ARFIP1: variants seen among roughly 807,000 people sequenced by gnomAD.
The protein encoded by ARFIP1 is ARF interacting protein 1.
A neutral mutation model predicts 42.5 loss-of-function variants in ARFIP1; 24 were observed. That is an observed-to-expected ratio of 0.57 (90% CI 0.41 to 0.80). The LOEUF is 0.80. Among genes scored for constraint, ARFIP1 ranks in the 30% least tolerant of loss-of-function variants. The pLI is 0.00. For synonymous variants in ARFIP1, 141 were observed against 153.7 expected (o/e 0.92, Z 0.61); for missense variants, 354 against 434.0 (o/e 0.82, Z 1.64).
At chr4:152,799,645 A>T (rs564720760) in intron 1 of ARFIP1, among the ~76,000 whole-genome samples, 1 of 152,252 alleles carries the variant, frequency 6.6e-6, no homozygotes, top group Non-Finnish European at 1.5e-5. Context: ...TTGTAGTTAC[A>T]GGTAATCCTG....
At chr4:152,821,082 CAG>C (rs1423566626) in intron 1 of ARFIP1, among the ~76,000 whole-genome samples, 3 of 151,980 alleles carry the variant, frequency 2.0e-5, no homozygotes, top group Admixed American at 6.5e-5. Flanking sequence ...TATGAAAAAA[CAG>C]AGGGAGAGTC....
At chr4:152,867,857 A>G (rs533809455) in intron 3 of ARFIP1, among the ~76,000 whole-genome samples, 11 of 152,240 alleles carry the variant, frequency 7.2e-5, no homozygotes, top group Non-Finnish European at 1.3e-4. Context: ...TGATCAGTGT[A>G]TTAGGAAAAT....
intron 2 of ARFIP1, among the ~76,000 whole-genome samples, chr4:152,860,741 T>C (rs1243525339): frequency 6.6e-6 from 1 of 152,180 alleles, no homozygotes; most frequent in East Asian, 1.9e-4. Context: ...AGTCACTAAC[T>C]GGACAGATAT....
intron 2 of ARFIP1, among the ~76,000 whole-genome samples, chr4:152,861,045 A>G (rs1007394170): frequency 2.6e-5 from 4 of 152,206 alleles, no homozygotes; most frequent in Non-Finnish European, 5.9e-5. Context: ...AAAAATATCT[A>G]AGAATAGTTT....
chr4:152,808,323 A>T (rs1401491384), intron 1 of ARFIP1, among the ~76,000 whole-genome samples: 2 of 25,926 alleles, frequency 7.7e-5, no homozygotes, highest in Admixed American at 7.8e-4. Context: ...TTTTTGTAGC[A>T]GTAGTTTGTT....
intron 1 of ARFIP1, among the ~76,000 whole-genome samples, chr4:152,821,347 G>T (rs1012422239): frequency 2.0e-5 from 3 of 152,166 alleles, no homozygotes; most frequent in Non-Finnish European, 2.9e-5. Context: ...ACTACAACAT[G>T]CAGTGGCAAG....
chr4:152,827,323 C>T (rs1430714551), intron 1 of ARFIP1, among the ~76,000 whole-genome samples: 1 of 152,110 alleles, frequency 6.6e-6, no homozygotes, highest in East Asian at 1.9e-4. Flanking sequence ...CAGAGAGTTC[C>T]CCTGTACTGC....
At chr4:152,866,541 G>A (rs1211530161) in intron 3 of ARFIP1, among the ~76,000 whole-genome samples, 1 of 105,164 alleles carries the variant, frequency 9.5e-6, no homozygotes, top group African/African-American at 4.0e-5. Flanking sequence ...TGGCCGCGCG[G>A]GGGCTGACCC....
chr4:152,815,541 C>T (rs570593503), intron 1 of ARFIP1, among the ~76,000 whole-genome samples: 2 of 152,256 alleles, frequency 1.3e-5, no homozygotes, highest in African/African-American at 4.8e-5. Flanking sequence ...TTTGATATGT[C>T]CTAAACTAAA....
chr4:152,892,271 A>C (rs1736922021), intron 8 of ARFIP1, among the ~76,000 whole-genome samples: 1 of 152,162 alleles, frequency 6.6e-6, no homozygotes, highest in South Asian at 2.1e-4. Context: ...GTAATTTGAT[A>C]ATGTCCTAAA....
At chr4:152,903,727 T>C (rs1047884328) in intron 8 of ARFIP1, among the ~76,000 whole-genome samples, 1 of 151,988 alleles carries the variant, frequency 6.6e-6, no homozygotes, top group Non-Finnish European at 1.5e-5. Flanking sequence ...AGTTGCATTG[T>C]GGGGTGGGGG....
intron 1 of ARFIP1, among the ~76,000 whole-genome samples, chr4:152,818,325 T>C (rs577801542): frequency 2.0e-5 from 3 of 152,258 alleles, no homozygotes; most frequent in Non-Finnish European, 4.4e-5. Context: ...ACACTCCCAC[T>C]GGGGAACCCA....
chr4:152,902,518 G>A (rs919466383), intron 8 of ARFIP1, among the ~76,000 whole-genome samples: 9 of 152,060 alleles, frequency 5.9e-5, no homozygotes, highest in African/African-American at 1.4e-4. Flanking sequence ...CGGGGTGGGC[G>A]GGGGGAGACT....
rs568508441 is a variant in ARFIP1, at chr4:152,908,325, T to C, written c.967-1739T>C. 3.9e-5 allele frequency among the ~76,000 whole-genome samples: 6 copies of C among 152,310 alleles called. No homozygotes were observed. The South Asian group carries it at 1.2e-3, about 32-fold the overall frequency. On this transcript the variant is annotated intron_variant, in intron 8 of 8. Transcript: ENST00000353617. ...TCATGAATGTAGCTTATCTTTTCACTATCTTTTGATGAATATTAGGCCGGG... is the reference window on the plus strand; with the variant it reads ...TCATGAATGTAGCTTATCTTTTCACCATCTTTTGATGAATATTAGGCCGGG...
chr4:152,896,482 A>G (rs1163075565), intron 8 of ARFIP1, among the ~76,000 whole-genome samples: 2 of 152,240 alleles, frequency 1.3e-5, no homozygotes, highest in African/African-American at 2.4e-5. Flanking sequence ...TGAAAATAGC[A>G]AAGCACAAAG....
intron 2 of ARFIP1, among the ~76,000 whole-genome samples, chr4:152,851,430 C>A (rs1732971283): frequency 6.6e-6 from 1 of 151,980 alleles, no homozygotes; most frequent in South Asian, 2.1e-4. Context: ...AAGTGTGAGA[C>A]CATAGAACTG....
chr4:152,824,615 C>T (rs1236338650), intron 1 of ARFIP1, among the ~76,000 whole-genome samples: 2 of 152,252 alleles, frequency 1.3e-5, no homozygotes, highest in Non-Finnish European at 1.5e-5. Flanking sequence ...AAGTATTCCC[C>T]CTAAGGACTG....
chr4:152,842,441 A>G (rs1391303220), intron 2 of ARFIP1, among the ~76,000 whole-genome samples: 2 of 151,610 alleles, frequency 1.3e-5, no homozygotes, highest in African/African-American at 4.9e-5. Context: ...TGCTTCTTGT[A>G]TTTGGATGTC....
At chr4:152,790,342 A>G (rs1731073923) in intron 1 of ARFIP1, among the ~76,000 whole-genome samples, 1 of 152,236 alleles carries the variant, frequency 6.6e-6, no homozygotes, top group Non-Finnish European at 1.5e-5. Flanking sequence ...ACAACAACAG[A>G]GATGACCACC....
Sources: gnomAD v4.1 joint callset for allele counts (sites outside exome capture counted in the v4.1 genomes callset) on GRCh38, gnomAD v4.1.1 for gene constraint, MANE v1.5 for transcripts, NCBI Gene and HGNC (gene_info 2026-07-23, HGNC 2026-07-21) for gene names.